Variants in SEPTIN3 observed in about 807,000 individuals in gnomAD.
SEPTIN3 encodes neuronal-specific septin-3.
SEPTIN3 carries 15 observed loss-of-function variants against 45.1 expected under a neutral mutation model. That is an observed-to-expected ratio of 0.33 (90% CI 0.22 to 0.51). The LOEUF is 0.51. Ranked by LOEUF, SEPTIN3 falls within the 20% of genes least tolerant of loss-of-function variation. The probability of loss-of-function intolerance (pLI) is 0.97; values close to 1 mark genes in which losing one functional copy is unlikely to be tolerated. For missense variants in SEPTIN3, 289 were observed against 457.2 expected (o/e 0.63, Z 3.35); for synonymous variants, 148 against 164.8 (o/e 0.90, Z 0.78).
intron 2 of SEPTIN3, among the ~76,000 whole-genome samples, chr22:41,978,377 C>A (rs181294814): frequency 3.6e-4 from 55 of 152,264 alleles, no homozygotes; most frequent in Non-Finnish European, 3.7e-4. Context: ...AGAACTAGTA[C>A]GTATTTGTGC....
intron 5 of SEPTIN3, 63 bp downstream of exon 5, chr22:41,987,350 G>A (rs2078225840): frequency 7.7e-6 from 11 of 1,436,552 alleles, no homozygotes; most frequent in Admixed American, 1.8e-5. Flanking sequence ...TTACTATGGT[G>A]CAGATTCATT....
chr22:41,993,691 A>C (rs1385239150), intron 9 of SEPTIN3, among the ~76,000 whole-genome samples: 1 of 151,734 alleles, frequency 6.6e-6, no homozygotes, highest in Non-Finnish European at 1.5e-5. Context: ...TGGGGGTCTC[A>C]CTGTGTTACC....
chr22:41,991,517 C>T (rs896910839), intron 7 of SEPTIN3, 56 bp from the exon 8 acceptor site: 11 of 1,263,120 alleles, frequency 8.7e-6, no homozygotes, highest in Non-Finnish European at 1.3e-5. Flanking sequence ...GTGCACACAC[C>T]CCTCTTTTCC....
chr22:41,990,474 G>A (rs952088360), intron 7 of SEPTIN3, among the ~76,000 whole-genome samples: 11 of 151,930 alleles, frequency 7.2e-5, no homozygotes, highest in East Asian at 3.9e-4. Context: ...AGTTGGGCGT[G>A]GTGGCTCATG....
At chr22:41,981,002 G>A (rs1432920677) in intron 2 of SEPTIN3, among the ~76,000 whole-genome samples, 2 of 152,224 alleles carry the variant, frequency 1.3e-5, no homozygotes, top group Non-Finnish European at 2.9e-5. Context: ...CCACTCTCCA[G>A]AGAAGGGTAG....
chr22:41,990,745 C>CAAAAAAAA (rs71184855), intron 7 of SEPTIN3, among the ~76,000 whole-genome samples: 1 of 96,544 alleles, frequency 1.0e-5, no homozygotes. Flanking sequence ...CACTCTATCT[C>CAAAAAAAA]AAAAAAAAAA....
At position 41,994,495 on chromosome 22, in the gene SEPTIN3, G is replaced by A. The variant is rs533013405; in HGVS notation, c.2412-126G>A. On this transcript the variant is annotated intron_variant, in intron 10 of 11. Transcript: ENST00000644076. This position sits in a 1 kb window ranked among gnomAD's most constrained non-coding sequence, Gnocchi z 4.2. ...CTGTTGCAAAATGGAAGGTGCTGTA[G>A]AAGAATCCTTAGCTCCTGGGAGTGG... is the stretch of plus-strand genomic sequence containing the variant. 1.8e-4 allele frequency: 276 copies of A among 1,543,276 alleles called. 1 individual carries two copies. The African/African-American group carries it at 3.4e-3, about 19-fold the overall frequency.
chr22:41,971,737 C>T lies in SEPTIN3; in HGVS notation c.245C>T (p.Pro82Leu). 2.5e-6 allele frequency: 1 copy of T among 399,294 alleles called. No individual in the cohort carries two copies. 24.7% of individuals were successfully genotyped at this position (399,294 alleles called of 1,614,324 possible). A position where few individuals can be genotyped will look rare whatever the true frequency, so the allele number is the denominator to read the frequency against. ...GLGARTRSVP[P>L]QETGIALGAS... ...GGAGCCAGGACCCGGAGTGTGCCCCCACAGGAGACGGGCATCGCTCTGGGG... is the reference window on the plus strand; with the variant it reads ...GGAGCCAGGACCCGGAGTGTGCCCCTACAGGAGACGGGCATCGCTCTGGGG... The change falls in exon 2 of 12, where the codon CCA becomes CTA. Residue 82 changes from proline to leucine, a missense_variant. By Grantham distance (98) the Pro-to-Leu change is moderately conservative. Coordinates refer to ENST00000644076, the MANE Select transcript of SEPTIN3 (RefSeq NM_001363845.2).
rs2078017585 is a variant in SEPTIN3, at chr22:41,976,101, C to G, written c.1504+3105C>G. 6.6e-6 allele frequency among the ~76,000 whole-genome samples: 1 copy of G among 152,156 alleles called. No homozygotes were observed. The highest frequency in any genetic ancestry group is 1.5e-5 in the Non-Finnish European group (1 of 68,034). On this transcript the variant is annotated intron_variant, in intron 2 of 11. Coordinates refer to ENST00000644076, the MANE Select transcript of SEPTIN3 (RefSeq NM_001363845.2). The surrounding 1 kb of genome is among the most constrained non-coding windows in gnomAD (Gnocchi z 5.8). The stretch of plus-strand genomic sequence containing the variant: ...GCTGTCCTCTCTTTGCAGAATACCT[C>G]TCCCTTTCCATTCTTCCCTTCCACT...
At chr22:41,996,384 A>G in intron 11 of SEPTIN3, 1 of 985,842 alleles carries the variant, frequency 1.0e-6, no homozygotes, top group African/African-American at 1.7e-5. Context: ...CTTCTGTCCC[A>G]TCTCCTGGTT....
At chr22:41,980,163 G>C (rs982084726) in intron 2 of SEPTIN3, among the ~76,000 whole-genome samples, 6 of 118,332 alleles carry the variant, frequency 5.1e-5, no homozygotes, top group African/African-American at 2.2e-4. Context: ...TTTGGAGACA[G>C]AGTTTGACTC....
At chr22:41,992,392 C>T (rs73417070) in intron 8 of SEPTIN3, among the ~76,000 whole-genome samples, 7,747 of 152,146 alleles carry the variant, frequency 0.051, 648 homozygotes, top group African/African-American at 0.17. Flanking sequence ...AAAGAAAGTA[C>T]AAAGCGCTCT....
intron 2 of SEPTIN3, among the ~76,000 whole-genome samples, chr22:41,980,440 C>T (rs1008945359): frequency 7.2e-5 from 11 of 152,122 alleles, no homozygotes; most frequent in African/African-American, 2.4e-4. Flanking sequence ...CCGGCCATTG[C>T]TCAGTGCTTC....
rs59942714 is a variant in SEPTIN3, at chr22:41,994,883, C to CTGTGTGTGTGTGTG, written c.2505+196_2505+209dup. On this transcript the variant is annotated intron_variant, in intron 11 of 11. Coordinates refer to ENST00000644076, the MANE Select transcript of SEPTIN3 (RefSeq NM_001363845.2). This position sits in a 1 kb window ranked among gnomAD's most constrained non-coding sequence, Gnocchi z 4.2. ...GTCTGGTATTTGTGGAGCATCTTGT[C>CTGTGTGTGTGTGTG]TGTGTGTGTGTGTGTGTGTGTGTGT... is the stretch of plus-strand genomic sequence containing the variant. 405 of 1,343,400 alleles carry CTGTGTGTGTGTGTG rather than the reference C, an allele frequency of 3.0e-4. No individual in the cohort carries two copies. In the East Asian group the frequency reaches 8.1e-3, roughly 27 times the overall value. 83.2% of individuals were successfully genotyped at this position (1,343,400 alleles called of 1,614,324 possible). A position where few individuals can be genotyped will look rare whatever the true frequency, so the allele number is the denominator to read the frequency against.
Position 41,971,669 on chromosome 22 carries a change from C to A in SEPTIN3, c.177C>A (p.Phe59Leu), listed in dbSNP as rs760822386. The change falls in exon 2 of 12, where the codon TTC becomes TTA. Residue 59 changes from phenylalanine (F) to leucine (L), a missense_variant. Phe to Leu is a conservative substitution (Grantham distance 22). This residue lies in a region of SEPTIN3 where 200 missense variants were observed against 315.1 expected (regional missense o/e 0.63). Coordinates refer to ENST00000644076, the MANE Select transcript of SEPTIN3 (RefSeq NM_001363845.2). ...VLRKTIHLDT[F>L]PQSHIPQTSS... The stretch of plus-strand genomic sequence containing the variant: ...GGAAGACCATCCATCTGGATACCTT[C>A]CCCCAAAGCCATATCCCACAGACCT... 4.3e-5 allele frequency: 17 copies of A among 398,992 alleles called. No individual in the cohort carries two copies. Among genetic ancestry groups the A allele is most frequent in the African/African-American group, 2.5e-4 (12 of 48,604 alleles). The allele number at this position is 398,992 out of a possible 1,614,324, so 24.7% of individuals were successfully genotyped here. A position where few individuals can be genotyped will look rare whatever the true frequency, so the allele number is the denominator to read the frequency against.
In SEPTIN3 at chr22:41,973,430, C is replaced by T. The variant is rs544759797; in HGVS notation, c.1504+434C>T. Among the ~76,000 whole-genome samples the T allele has an allele frequency of 6.0e-4, 89 of 147,912 alleles. 1 individual carries two copies. Among genetic ancestry groups the T allele is most frequent in the Admixed American group, 8.9e-4 (13 of 14,588 alleles). ...CCAGCACTTTGGGATCTGCCCAAGG[C>T]GGGCAGATCACAAGGTCAGGAGATC... is the stretch of plus-strand genomic sequence containing the variant. On this transcript the variant is annotated intron_variant, in intron 2 of 11. Transcript: ENST00000644076.
intron 2 of SEPTIN3, among the ~76,000 whole-genome samples, chr22:41,978,823 A>G (rs1455014409): frequency 6.6e-6 from 1 of 150,810 alleles, no homozygotes; most frequent in Non-Finnish European, 1.5e-5. Context: ...TGCAGTGGGC[A>G]CAGAAGAGGG....
In SEPTIN3 at chr22:41,987,285, C is replaced by G; in HGVS notation, c.1905C>G (p.Asn635Lys). The change falls in exon 5 of 12, where the codon AAC becomes AAG. Residue 635 changes from asparagine to lysine, a missense_variant and splice_region_variant. Coordinates refer to ENST00000644076, the MANE Select transcript of SEPTIN3 (RefSeq NM_001363845.2). ...TTGGAGACCAAATCAACAATGAAAACTGGTATCTGTCTGCCTCTGAGATCT... is the reference window on the plus strand; with the variant it reads ...TTGGAGACCAAATCAACAATGAAAAGTGGTATCTGTCTGCCTCTGAGATCT... ...PGFGDQINNENCWEPIEKYIN... is the reference protein window; with the variant it reads ...PGFGDQINNEKCWEPIEKYIN... 6.2e-7 allele frequency: 1 copy of G among 1,612,132 alleles called. No homozygotes were observed. The highest frequency in any genetic ancestry group is 8.5e-7 in the Non-Finnish European group (1 of 1,178,804).
intron 4 of SEPTIN3, 111 bp downstream of exon 4, chr22:41,986,223 A>T: frequency 7.5e-7 from 1 of 1,326,580 alleles, no homozygotes; most frequent in Non-Finnish European, 1.0e-6. Context: ...CAACCTTAAG[A>T]CAAAACAGAC....
Sources: allele counts gnomAD v4.1 joint callset (sites outside exome capture counted in the v4.1 genomes callset), GRCh38; gene constraint gnomAD v4.1.1; regional missense constraint gnomAD v4.1.1; non-coding constraint Gnocchi (gnomAD v3.1); transcripts MANE v1.5; gene names NCBI Gene and HGNC (gene_info 2026-07-23, HGNC 2026-07-21).